CDH12: variants seen among roughly 807,000 people sequenced by gnomAD.
CDH12 encodes the protein cadherin-12.
CDH12 carries 41 observed loss-of-function variants against 74.1 expected under a neutral mutation model. The observed-to-expected ratio is 0.55, with a 90% CI of 0.43 to 0.72. The LOEUF is 0.72. Among genes scored for constraint, CDH12 ranks in the 30% least tolerant of loss-of-function variants. The pLI, the probability that CDH12 is intolerant of heterozygous loss-of-function variation, is 0.00. For synonymous variants in CDH12, 399 were observed against 355.0 expected (o/e 1.12, Z -1.39); for missense variants, 945 against 977.2 (o/e 0.97, Z 0.44).
chr5:22,648,759 TTA>T (rs34031387), intron 1 of CDH12, among the ~76,000 whole-genome samples: 23,238 of 151,860 alleles, frequency 0.15, 2,237 homozygotes, highest in Admixed American at 0.33. Flanking sequence ...TGCTTATTAT[TTA>T]TGCAATCACA....
chr5:22,354,779 CT>C (rs1396412892), intron 3 of CDH12, among the ~76,000 whole-genome samples: 3 of 152,118 alleles, frequency 2.0e-5, no homozygotes, highest in African/African-American at 7.2e-5. Flanking sequence ...GTATTTCAAA[CT>C]CTTTTATATC....
intron 3 of CDH12, among the ~76,000 whole-genome samples, chr5:22,249,751 T>C (rs567571020): frequency 2.6e-5 from 4 of 152,232 alleles, no homozygotes; most frequent in Non-Finnish European, 5.9e-5. Flanking sequence ...TTACTGTTCG[T>C]TACTAAGGTC....
intron 3 of CDH12, among the ~76,000 whole-genome samples, chr5:22,276,551 A>AGAAT (rs1013440853): frequency 9.8e-5 from 15 of 152,364 alleles, no homozygotes; most frequent in Admixed American, 7.2e-4. Context: ...GTGATGTGAA[A>AGAAT]GAATGGTTCA....
At chr5:22,060,945 A>C (rs1235925814) in intron 5 of CDH12, among the ~76,000 whole-genome samples, 1 of 152,140 alleles carries the variant, frequency 6.6e-6, no homozygotes, top group African/African-American at 2.4e-5. Context: ...ATGTTACTTG[A>C]AGGCAATGGG....
intron 1 of CDH12, among the ~76,000 whole-genome samples, chr5:22,775,626 A>G (rs1747050981): frequency 6.6e-6 from 1 of 152,120 alleles, no homozygotes; most frequent in Admixed American, 6.6e-5. Context: ...GGTGAGATTA[A>G]CAACATTGTG....
At position 22,440,596 on chromosome 5, in the gene CDH12, C is replaced by T. The variant is rs924805272; in HGVS notation, c.-427-35245G>A. On this transcript the variant is annotated intron_variant, in intron 2 of 14. Transcript: ENST00000382254. ...AACTCAAGGTGTCAGCAGAACCATC[C>T]TTGTTCTGGTTGCTCTAGGGTAGAA... Among the ~76,000 whole-genome samples, 12 of 152,184 alleles carry T rather than the reference C, an allele frequency of 7.9e-5. No individual in the cohort carries two copies. In the East Asian group the frequency reaches 1.5e-3, roughly 20 times the overall value.
chr5:22,604,818 C>A (rs1465798168), intron 1 of CDH12, among the ~76,000 whole-genome samples: 1 of 151,990 alleles, frequency 6.6e-6, no homozygotes, highest in African/African-American at 2.4e-5. Flanking sequence ...TCACTTGCTC[C>A]AAAGTAAGAG....
intron 4 of CDH12, among the ~76,000 whole-genome samples, chr5:22,162,781 G>A (rs1403855128): frequency 2.0e-5 from 3 of 151,944 alleles, no homozygotes; most frequent in African/African-American, 4.8e-5. Context: ...TTTAGCTGGG[G>A]CTCTGACATC....
intron 4 of CDH12, among the ~76,000 whole-genome samples, chr5:22,089,437 T>C (rs372438337): frequency 6.9e-4 from 105 of 152,284 alleles, no homozygotes; most frequent in African/African-American, 2.3e-3. Context: ...AGTAACATTA[T>C]AAACATCTTG....
chr5:22,698,138 T>TTTTTTTTA (rs1742479426), intron 1 of CDH12, among the ~76,000 whole-genome samples: 22 of 143,062 alleles, frequency 1.5e-4, no homozygotes, highest in Admixed American at 2.2e-4. Context: ...TTTTTTTTTT[T>TTTTTTTTA]GAGATGGAGT....
intron 1 of CDH12, among the ~76,000 whole-genome samples, chr5:22,699,606 A>G (rs1742603985): frequency 6.6e-6 from 1 of 152,216 alleles, no homozygotes; most frequent in Non-Finnish European, 1.5e-5. Context: ...GAAGGGTACC[A>G]CACATGATTT....
intron 2 of CDH12, among the ~76,000 whole-genome samples, chr5:22,451,684 A>C (rs909453107): frequency 4.6e-5 from 7 of 152,018 alleles, no homozygotes; most frequent in African/African-American, 1.7e-4. Context: ...CAACATTTCC[A>C]TTCAACATTG....
chr5:22,290,506 C>T (rs998345125), intron 3 of CDH12, among the ~76,000 whole-genome samples: 1 of 151,818 alleles, frequency 6.6e-6, no homozygotes, highest in African/African-American at 2.4e-5. Flanking sequence ...ATGAATGAAA[C>T]CAAAAATGCA....
chr5:21,967,106 T>A (rs1360602400), intron 6 of CDH12, among the ~76,000 whole-genome samples: 1 of 152,036 alleles, frequency 6.6e-6, no homozygotes, highest in Non-Finnish European at 1.5e-5. Flanking sequence ...CTCAACACAT[T>A]GCACAATGAA....
At chr5:22,665,753 G>C (rs1740581090) in intron 1 of CDH12, among the ~76,000 whole-genome samples, 1 of 151,868 alleles carries the variant, frequency 6.6e-6, no homozygotes, top group Non-Finnish European at 1.5e-5. Context: ...CATCTTTATT[G>C]GTAGCTGTTG....
chr5:22,607,196 C>A (rs1206428339), intron 1 of CDH12, among the ~76,000 whole-genome samples: 1 of 152,120 alleles, frequency 6.6e-6, no homozygotes, highest in Non-Finnish European at 1.5e-5. Context: ...GGGAGAAATT[C>A]AAGCTGTCTG....
At chr5:22,578,178 T>C (rs1218104724) in intron 1 of CDH12, among the ~76,000 whole-genome samples, 1 of 152,182 alleles carries the variant, frequency 6.6e-6, no homozygotes, top group Non-Finnish European at 1.5e-5. Flanking sequence ...TAGTAAAGAA[T>C]GATCATGCAA....
chr5:22,063,660 G>A (rs891688625), intron 5 of CDH12, among the ~76,000 whole-genome samples: 2 of 151,556 alleles, frequency 1.3e-5, no homozygotes, highest in African/African-American at 4.9e-5. Flanking sequence ...TGCTGGTCCA[G>A]GGTACTAGAT....
At chr5:22,022,449 C>T (rs779102369) in intron 5 of CDH12, among the ~76,000 whole-genome samples, 3 of 152,026 alleles carry the variant, frequency 2.0e-5, no homozygotes, top group Non-Finnish European at 4.4e-5. Context: ...GCCATGCCTT[C>T]GTATAGCTTG....
Sources: gnomAD v4.1 joint callset for allele counts (sites outside exome capture counted in the v4.1 genomes callset) on GRCh38, gnomAD v4.1.1 for gene constraint, MANE v1.5 for transcripts, NCBI Gene and HGNC (gene_info 2026-07-23, HGNC 2026-07-21) for gene names.